PLXNA4: variants seen among roughly 807,000 people sequenced by gnomAD.
PLXNA4 encodes plexin-A4.
PLXNA4 carries 44 observed loss-of-function variants against 191.8 expected under a neutral mutation model. The observed-to-expected ratio is 0.23, with a 90% CI of 0.18 to 0.29. The LOEUF is 0.29. Among genes scored for constraint, PLXNA4 ranks in the 10% least tolerant of loss-of-function variants. PLXNA4 has a pLI of 1.00. For synonymous variants in PLXNA4, 1,082 were observed against 1,009.5 expected (o/e 1.07, Z -1.36); for missense variants, 1,800 against 2,488.8 (o/e 0.72, Z 5.89).
At chr7:132,546,164 T>C (rs1398765065) in intron 1 of PLXNA4, among the ~76,000 whole-genome samples, 1 of 152,158 alleles carries the variant, frequency 6.6e-6, no homozygotes, top group Non-Finnish European at 1.5e-5. Flanking sequence ...GCTTCAGGAA[T>C]AGTAGCTCAC....
intron 3 of PLXNA4, among the ~76,000 whole-genome samples, chr7:132,444,988 TA>T (rs1302093966): frequency 1.3e-5 from 2 of 150,606 alleles, no homozygotes; most frequent in East Asian, 3.9e-4. Flanking sequence ...TGTCTCTACT[TA>T]AAAAATACAA....
intron 4 of PLXNA4, among the ~76,000 whole-genome samples, chr7:132,287,662 A>G (rs544151718): frequency 6.6e-6 from 1 of 152,222 alleles, no homozygotes; most frequent in African/African-American, 2.4e-5. Flanking sequence ...TCATACTCAG[A>G]TGTCAGAGAC....
intron 3 of PLXNA4, among the ~76,000 whole-genome samples, chr7:132,303,581 G>A (rs1247421802): frequency 6.6e-6 from 1 of 152,072 alleles, no homozygotes; most frequent in African/African-American, 2.4e-5. Flanking sequence ...AAAAGAAAAT[G>A]TAAAGAAACC....
intron 2 of PLXNA4, among the ~76,000 whole-genome samples, chr7:132,631,262 A>T (rs1467419705): frequency 1.3e-5 from 2 of 152,156 alleles, no homozygotes; most frequent in African/African-American, 2.4e-5. Context: ...TGCTTTGAAA[A>T]ACTGATCAAT....
intron 3 of PLXNA4, among the ~76,000 whole-genome samples, chr7:132,325,438 C>A (rs1802321043): frequency 6.6e-6 from 1 of 152,182 alleles, no homozygotes; most frequent in Non-Finnish European, 1.5e-5. Flanking sequence ...ATGCTGAGAT[C>A]CTAAGCCCCA....
At chr7:132,585,667 T>C (rs1385170797) in intron 2 of PLXNA4, among the ~76,000 whole-genome samples, 1 of 152,194 alleles carries the variant, frequency 6.6e-6, no homozygotes, top group Non-Finnish European at 1.5e-5. Flanking sequence ...AGGTTGGAAG[T>C]CTGAGATGAG....
At chr7:132,145,061 A>G in intron 29 of PLXNA4, 58 bp downstream of exon 29, 1 of 1,611,752 alleles carries the variant, frequency 6.2e-7, no homozygotes, top group Non-Finnish European at 8.5e-7. Context: ...ACCACCATTA[A>G]CTTGAGGCTG....
intron 4 of PLXNA4, among the ~76,000 whole-genome samples, chr7:132,257,189 T>A (rs1159721509): frequency 1.3e-5 from 2 of 152,214 alleles, no homozygotes; most frequent in Non-Finnish European, 2.9e-5. Context: ...AGGGGCCAGG[T>A]GGCTGTAACT....
intron 3 of PLXNA4, among the ~76,000 whole-genome samples, chr7:132,319,743 A>T (rs1802090571): frequency 6.6e-6 from 1 of 152,136 alleles, no homozygotes; most frequent in Non-Finnish European, 1.5e-5. Context: ...CTGTCATCCT[A>T]ACCTTTCTTT....
chr7:132,185,036 A>G (rs1796830571), intron 16 of PLXNA4, among the ~76,000 whole-genome samples: 1 of 152,174 alleles, frequency 6.6e-6, no homozygotes. Context: ...CATGGCCTCC[A>G]GCACAGTGCC....
chr7:132,324,314 T>C (rs891321708), intron 3 of PLXNA4, among the ~76,000 whole-genome samples: 9 of 152,218 alleles, frequency 5.9e-5, no homozygotes, highest in Non-Finnish European at 2.9e-5. Flanking sequence ...TTCCTAGTAA[T>C]AAATATTTTG....
At chr7:132,559,189 A>T (rs1490207952) in intron 1 of PLXNA4, among the ~76,000 whole-genome samples, 2 of 152,222 alleles carry the variant, frequency 1.3e-5, no homozygotes, top group African/African-American at 4.8e-5. Context: ...AATGTATTAC[A>T]TGCCGAGAAC....
chr7:132,171,637 C>T (rs767543570), intron 21 of PLXNA4, among the ~76,000 whole-genome samples: 32 of 152,160 alleles, frequency 2.1e-4, no homozygotes, highest in Non-Finnish European at 3.4e-4. Context: ...GAGGCTGCCC[C>T]TTCTCTGTGT....
At chr7:132,490,816 CT>C (rs1445228202) in intron 2 of PLXNA4, among the ~76,000 whole-genome samples, 1 of 152,176 alleles carries the variant, frequency 6.6e-6, no homozygotes, top group Non-Finnish European at 1.5e-5. Context: ...GACTCGCTTG[CT>C]CCTGACTCCA....
chr7:132,185,483 A>G lies in PLXNA4; in HGVS notation c.2994-20T>C. On this transcript the variant is annotated intron_variant, in intron 15 of 31. Coordinates refer to ENST00000321063, the MANE Select transcript of PLXNA4 (RefSeq NM_020911.2). The stretch of plus-strand genomic sequence containing the variant: ...GATCGCCTGGAGGGCAGGAAGACAG[A>G]GCACTGGGCGCCTGGTGTTGAGGAG... The G allele has an allele frequency of 6.2e-7, 1 of 1,603,046 alleles. No individual in the cohort carries two copies. The highest frequency in any genetic ancestry group is 8.5e-7 in the Non-Finnish European group (1 of 1,175,114).
chr7:132,260,438 T>C (rs1799596564), intron 4 of PLXNA4, among the ~76,000 whole-genome samples: 2 of 152,080 alleles, frequency 1.3e-5, no homozygotes, highest in South Asian at 2.1e-4. Flanking sequence ...TTCCCACTAA[T>C]AGGTGAGAAC....
At chr7:132,292,123 A>G (rs1446889565) in intron 4 of PLXNA4, among the ~76,000 whole-genome samples, 10 of 152,188 alleles carry the variant, frequency 6.6e-5, no homozygotes, top group Non-Finnish European at 1.5e-4. Context: ...AGCAGTGGGG[A>G]GTCAAAGTTA....
intron 30 of PLXNA4, among the ~76,000 whole-genome samples, chr7:132,135,588 G>A (rs1486133504): frequency 6.6e-6 from 1 of 152,200 alleles, no homozygotes; most frequent in African/African-American, 2.4e-5. Flanking sequence ...CCAGCATTCT[G>A]CCTTCACAGT....
At chr7:132,632,187 G>A (rs1233409312) in intron 2 of PLXNA4, among the ~76,000 whole-genome samples, 2 of 134,540 alleles carry the variant, frequency 1.5e-5, no homozygotes, top group Non-Finnish European at 3.0e-5. Context: ...AGTGAGCTGA[G>A]ATTGTACCAC....
Sources: allele counts gnomAD v4.1 joint callset (sites outside exome capture counted in the v4.1 genomes callset), GRCh38; gene constraint gnomAD v4.1.1; transcripts MANE v1.5; gene names NCBI Gene and HGNC (gene_info 2026-07-23, HGNC 2026-07-21).